UBE2H: variants seen among roughly 807,000 people sequenced by gnomAD.
UBE2H encodes ubiquitin conjugating enzyme E2 H, also known as ubiquitin-conjugating enzyme E2 H.
UBE2H carries 3 observed loss-of-function variants against 29.0 expected under a neutral mutation model. The observed-to-expected ratio is 0.10, with a 90% CI of 0.05 to 0.27. The LOEUF is 0.27. Among genes scored for constraint, UBE2H ranks in the 10% least tolerant of loss-of-function variants. The pLI, the probability that UBE2H is intolerant of heterozygous loss-of-function variation, is 1.00. For missense variants in UBE2H, 68 were observed against 228.2 expected (o/e 0.30, Z 4.52); for synonymous variants, 69 against 82.9 (o/e 0.83, Z 0.91).
intron 5 of UBE2H, among the ~76,000 whole-genome samples, chr7:129,844,019 TTCC>T (rs1199491525): frequency 2.0e-5 from 3 of 152,242 alleles, no homozygotes; most frequent in African/African-American, 7.2e-5. Context: ...ACTTTTAAGT[TTCC>T]TCAAGCTACC....
chr7:129,930,376 G>A (rs562017821), intron 1 of UBE2H, among the ~76,000 whole-genome samples: 1 of 152,274 alleles, frequency 6.6e-6, no homozygotes, highest in Admixed American at 6.5e-5. Context: ...GCTCAAGCTG[G>A]TCTCAAACTC....
At chr7:129,874,847 C>T (rs113495322) in intron 3 of UBE2H, among the ~76,000 whole-genome samples, 1 of 151,950 alleles carries the variant, frequency 6.6e-6, no homozygotes. Context: ...AAGAAAGTTG[C>T]GCGTAAAGAC....
chr7:129,879,285 A>G (rs1046628948), intron 3 of UBE2H, among the ~76,000 whole-genome samples: 4 of 152,266 alleles, frequency 2.6e-5, no homozygotes, highest in African/African-American at 9.6e-5. Flanking sequence ...TTTTCCTGCT[A>G]ACAGCTTAAA....
At chr7:129,929,934 C>T (rs1051822573) in intron 1 of UBE2H, among the ~76,000 whole-genome samples, 3 of 152,108 alleles carry the variant, frequency 2.0e-5, no homozygotes, top group Admixed American at 2.0e-4. Context: ...CACTTGAACC[C>T]AGGAGGTGGA....
chr7:129,949,679 C>G (rs1381814541), intron 1 of UBE2H, among the ~76,000 whole-genome samples: 1 of 152,172 alleles, frequency 6.6e-6, no homozygotes, highest in African/African-American at 2.4e-5. Context: ...CAACCAGAGA[C>G]GGTGTCTCCA....
At chr7:129,888,171 T>A (rs986272796) in intron 1 of UBE2H, among the ~76,000 whole-genome samples, 1 of 152,146 alleles carries the variant, frequency 6.6e-6, no homozygotes, top group Non-Finnish European at 1.5e-5. Context: ...TTTAAGGGTT[T>A]TTAATGTTCT....
rs1435252153 is a variant in UBE2H, at chr7:129,832,914, C to T, written c.*2023G>A. On this transcript the variant is annotated 3_prime_UTR_variant, in exon 7 of 7. Coordinates refer to ENST00000355621, the MANE Select transcript of UBE2H (RefSeq NM_003344.4). ...GCAAACTGCAAAGTCAGCAGGTAAGCAAGTTAGACAGTGCCAGCAGAGAGA... is the reference window on the plus strand; with the variant it reads ...GCAAACTGCAAAGTCAGCAGGTAAGTAAGTTAGACAGTGCCAGCAGAGAGA... 6.6e-6 allele frequency: 1 copy of T among 152,132 alleles called. No homozygotes were observed. The highest frequency in any genetic ancestry group is 1.5e-5 in the Non-Finnish European group (1 of 68,036). The allele number at this position is 152,132 out of a possible 1,614,324, so 9.4% of individuals were successfully genotyped here. A position where few individuals can be genotyped will look rare whatever the true frequency, so the allele number is the denominator to read the frequency against.
At chr7:129,840,845 G>A (rs142745632) in intron 5 of UBE2H, among the ~76,000 whole-genome samples, 5 of 152,264 alleles carry the variant, frequency 3.3e-5, no homozygotes, top group African/African-American at 7.2e-5. Flanking sequence ...AACAATGGGC[G>A]CTCCTTTGCA....
intron 3 of UBE2H, among the ~76,000 whole-genome samples, chr7:129,878,555 C>T (rs1050787169): frequency 5.9e-5 from 9 of 151,988 alleles, no homozygotes; most frequent in Non-Finnish European, 8.8e-5. Flanking sequence ...TGGTGGCAGG[C>T]ACCTGTAGTG....
rs565756430 is a variant in UBE2H, at chr7:129,833,458, T to C, written c.*1479A>G. 4.6e-5 allele frequency: 7 copies of C among 152,308 alleles called. No homozygotes were observed. Among genetic ancestry groups the C allele is most frequent in the African/African-American group, 1.7e-4 (7 of 41,566 alleles). The allele number at this position is 152,308 out of a possible 1,614,324, so 9.4% of individuals were successfully genotyped here. On this transcript the variant is annotated 3_prime_UTR_variant, in exon 7 of 7. Coordinates refer to ENST00000355621, the MANE Select transcript of UBE2H (RefSeq NM_003344.4). ...AGAACACAGAGCTGCTGTCTAAAAT[T>C]TCTCCAAACTCCCCTCCGAGTTCAG...
At chr7:129,888,111 G>A (rs1584766793) in intron 1 of UBE2H, among the ~76,000 whole-genome samples, 3 of 152,260 alleles carry the variant, frequency 2.0e-5, no homozygotes, top group South Asian at 4.1e-4. Flanking sequence ...AGGAAAAATG[G>A]TCATGTCCAA....
chr7:129,929,926 C>A (rs1435908738), intron 1 of UBE2H, among the ~76,000 whole-genome samples: 2 of 152,168 alleles, frequency 1.3e-5, no homozygotes, highest in African/African-American at 2.4e-5. Context: ...AGAAGAGTCA[C>A]TTGAACCCAG....
chr7:129,952,262 C>T (rs1347934538), intron 1 of UBE2H, among the ~76,000 whole-genome samples: 2 of 152,080 alleles, frequency 1.3e-5, no homozygotes, highest in Non-Finnish European at 2.9e-5. Context: ...GTCACAGGCT[C>T]TGGGGATACA....
intron 5 of UBE2H, among the ~76,000 whole-genome samples, chr7:129,851,245 T>C (rs1384265623): frequency 1.3e-5 from 2 of 152,208 alleles, no homozygotes; most frequent in Non-Finnish European, 2.9e-5. Context: ...AAAACAATTC[T>C]CGTCTATTTG....
intron 3 of UBE2H, among the ~76,000 whole-genome samples, chr7:129,878,746 G>T (rs549812442): frequency 6.9e-6 from 1 of 145,274 alleles, no homozygotes; most frequent in African/African-American, 2.5e-5. Context: ...TGGCAATTCT[G>T]AACATGAGGC....
In UBE2H at chr7:129,834,165, T is replaced by C. The variant is rs370986974; in HGVS notation, c.*772A>G. On this transcript the variant is annotated 3_prime_UTR_variant, in exon 7 of 7. Transcript: ENST00000355621. ...GGAAGCATCGTCCCAGTCACTTTTC[T>C]CCTCCTGTGCTGTCCTTTCAAAAAC... 2 of 152,178 alleles carry C rather than the reference T, an allele frequency of 1.3e-5. No homozygotes were observed. The highest frequency in any genetic ancestry group is 2.1e-4 in the South Asian group (1 of 4,828). 9.4% of individuals were successfully genotyped at this position (152,178 alleles called of 1,614,324 possible).
intron 1 of UBE2H, among the ~76,000 whole-genome samples, chr7:129,942,261 G>C (rs571694755): frequency 6.8e-6 from 1 of 146,278 alleles, no homozygotes; most frequent in Admixed American, 6.9e-5. Context: ...CAGGCTGGGC[G>C]CGGTGGCTCA....
At chr7:129,930,626 C>T (rs1315172408) in intron 1 of UBE2H, among the ~76,000 whole-genome samples, 3 of 151,772 alleles carry the variant, frequency 2.0e-5, no homozygotes, top group Non-Finnish European at 4.4e-5. Flanking sequence ...AAAAAATTAA[C>T]AGCTGGGCAC....
chr7:129,946,166 C>A (rs1807759623), intron 1 of UBE2H, among the ~76,000 whole-genome samples: 1 of 152,048 alleles, frequency 6.6e-6, no homozygotes, highest in African/African-American at 2.4e-5. Flanking sequence ...CATTCTCCTG[C>A]CTCAGCCTCC....
Sources: allele counts gnomAD v4.1 joint callset (sites outside exome capture counted in the v4.1 genomes callset), GRCh38; gene constraint gnomAD v4.1.1; transcripts MANE v1.5; gene names NCBI Gene and HGNC (gene_info 2026-07-23, HGNC 2026-07-21).